ATXN7L1: variants seen among roughly 807,000 people sequenced by gnomAD.
ATXN7L1 encodes ataxin-7-like protein 1.
A neutral mutation model predicts 70.8 loss-of-function variants in ATXN7L1; 15 were observed. The observed-to-expected ratio is 0.21, with a 90% CI of 0.14 to 0.33. ATXN7L1 has a LOEUF of 0.33. Among genes scored for constraint, ATXN7L1 ranks in the 10% least tolerant of loss-of-function variants. The pLI is 1.00. For synonymous variants in ATXN7L1, 440 were observed against 445.1 expected, an observed-to-expected ratio of 0.99 and a Z score of 0.14; for missense variants, 975 against 1,097.1, an observed-to-expected ratio of 0.89 and a Z score of 1.57.
chr7:105,859,108 G>C (rs998180858), intron 2 of ATXN7L1, among the ~76,000 whole-genome samples: 2 of 152,136 alleles, frequency 1.3e-5, no homozygotes, highest in African/African-American at 2.4e-5. Context: ...TATGAGTATG[G>C]AATTACCATT....
At chr7:105,811,426 G>A (rs572377322) in intron 2 of ATXN7L1, among the ~76,000 whole-genome samples, 2 of 152,192 alleles carry the variant, frequency 1.3e-5, no homozygotes, top group African/African-American at 4.8e-5. Flanking sequence ...GAGAGAGAAT[G>A]AATTTCTGTT....
At chr7:105,679,512 T>C (rs1805249668) in intron 3 of ATXN7L1, among the ~76,000 whole-genome samples, 1 of 152,180 alleles carries the variant, frequency 6.6e-6, no homozygotes, top group African/African-American at 2.4e-5. Flanking sequence ...CCTAGCACTA[T>C]GCCTTAGAGA....
chr7:105,813,696 T>C (rs1057199558), intron 2 of ATXN7L1, among the ~76,000 whole-genome samples: 1 of 152,214 alleles, frequency 6.6e-6, no homozygotes, highest in Non-Finnish European at 1.5e-5. Flanking sequence ...AATTCTGAAA[T>C]TAAGTTTTTT....
In ATXN7L1 at chr7:105,869,941, C is replaced by CTAT. The variant is rs1167189957; in HGVS notation, c.250+5868_250+5870dup. Among the ~76,000 whole-genome samples the CTAT allele has an allele frequency of 5.9e-5, 9 of 152,282 alleles. No individual in the cohort carries two copies. The East Asian group carries it at 1.5e-3, about 26-fold the overall frequency. On this transcript the variant is annotated intron_variant, in intron 2 of 11. Transcript: ENST00000419735. ...ATACAGCCTAAGTATTATTCGACAG[C>CTAT]TATTGATAAAACTTATCAATGATCA...
intron 3 of ATXN7L1, among the ~76,000 whole-genome samples, chr7:105,727,290 C>A (rs911720967): frequency 6.6e-6 from 1 of 152,096 alleles, no homozygotes; most frequent in Admixed American, 6.5e-5. Flanking sequence ...CAGACAGTCA[C>A]GCACAGGCTT....
intron 2 of ATXN7L1, among the ~76,000 whole-genome samples, chr7:105,850,620 G>A (rs1425369840): frequency 6.6e-6 from 1 of 152,206 alleles, no homozygotes; most frequent in African/African-American, 2.4e-5. Flanking sequence ...ACTGATCCCT[G>A]TGCCTCCTGA....
At chr7:105,643,864 C>T (rs1798613944) in intron 4 of ATXN7L1, among the ~76,000 whole-genome samples, 1 of 152,244 alleles carries the variant, frequency 6.6e-6, no homozygotes, top group Non-Finnish European at 1.5e-5. Flanking sequence ...TAGCCCCCTT[C>T]CCTGCTATTT....
chr7:105,867,066 A>G (rs1038801028), intron 2 of ATXN7L1, among the ~76,000 whole-genome samples: 7 of 152,196 alleles, frequency 4.6e-5, no homozygotes, highest in South Asian at 2.1e-4. Context: ...TTCTAAATCA[A>G]TTCTGCAGCA....
chr7:105,641,149 G>A (rs1428062334), intron 5 of ATXN7L1, among the ~76,000 whole-genome samples: 2 of 146,992 alleles, frequency 1.4e-5, no homozygotes, highest in Non-Finnish European at 3.0e-5. Context: ...TTCCCTGGCT[G>A]GTTACCAAAA....
At chr7:105,861,204 G>A (rs901551831) in intron 2 of ATXN7L1, among the ~76,000 whole-genome samples, 49 of 152,264 alleles carry the variant, frequency 3.2e-4, no homozygotes, top group African/African-American at 1.1e-3. Context: ...CCACCTGTCC[G>A]GATAGGAAGG....
At chr7:105,628,480 C>A (rs572353843) in intron 7 of ATXN7L1, among the ~76,000 whole-genome samples, 1 of 152,110 alleles carries the variant, frequency 6.6e-6, no homozygotes, top group Non-Finnish European at 1.5e-5. Flanking sequence ...TAACATCTTA[C>A]ACTTATAATA....
intron 3 of ATXN7L1, among the ~76,000 whole-genome samples, chr7:105,698,009 C>T (rs1371852226): frequency 6.6e-6 from 1 of 152,078 alleles, no homozygotes; most frequent in Non-Finnish European, 1.5e-5. Flanking sequence ...GAAAGCTGGC[C>T]AAGAAGAGGA....
chr7:105,752,541 G>A (rs1799334958), intron 3 of ATXN7L1, among the ~76,000 whole-genome samples: 1 of 152,144 alleles, frequency 6.6e-6, no homozygotes, highest in Non-Finnish European at 1.5e-5. Flanking sequence ...CCCATGCTTG[G>A]CTACCACTGG....
rs148225770 is a variant in ATXN7L1 at position 105,630,359 on chromosome 7, G to A, written c.1203-6092C>T. Among the ~76,000 whole-genome samples, 54 of 152,304 alleles carry A rather than the reference G, an allele frequency of 3.5e-4. No homozygotes were observed. In the East Asian group the frequency reaches 9.1e-3, roughly 26 times the overall value. On this transcript the variant is annotated intron_variant, in intron 7 of 11. Transcript: ENST00000419735. ...TCAGCAGAAATGTGGTGATACTTAC[G>A]ACGATGACTTCCTAACATCCATTTA...
intron 2 of ATXN7L1, among the ~76,000 whole-genome samples, chr7:105,867,447 C>T (rs1817648998): frequency 6.6e-6 from 1 of 152,200 alleles, no homozygotes; most frequent in African/African-American, 2.4e-5. Flanking sequence ...TTTGGGTCTC[C>T]TCCACCCACA....
intron 4 of ATXN7L1, among the ~76,000 whole-genome samples, chr7:105,656,120 T>C (rs370320675): frequency 6.6e-6 from 1 of 152,180 alleles, no homozygotes; most frequent in East Asian, 1.9e-4. Flanking sequence ...TGGGTCTGAG[T>C]TCCCCATCAA....
chr7:105,777,834 C>A (rs1341839104), intron 3 of ATXN7L1, among the ~76,000 whole-genome samples: 2 of 152,198 alleles, frequency 1.3e-5, no homozygotes, highest in African/African-American at 2.4e-5. Context: ...AACCTTCAGA[C>A]TCTGTTCTAC....
At chr7:105,661,329 G>C (rs1801574720) in intron 4 of ATXN7L1, among the ~76,000 whole-genome samples, 4 of 152,156 alleles carry the variant, frequency 2.6e-5, no homozygotes, top group Admixed American at 2.6e-4. Context: ...GAGATGGGGG[G>C]AAATCTGGCC....
At chr7:105,772,679 G>A (rs1395508027) in intron 3 of ATXN7L1, among the ~76,000 whole-genome samples, 1 of 152,152 alleles carries the variant, frequency 6.6e-6, no homozygotes, top group Non-Finnish European at 1.5e-5. Context: ...GACACACTTA[G>A]AATTATCACA....
Sources: allele counts gnomAD v4.1 joint callset (sites outside exome capture counted in the v4.1 genomes callset), GRCh38; gene constraint gnomAD v4.1.1; transcripts MANE v1.5; gene names NCBI Gene and HGNC (gene_info 2026-07-23, HGNC 2026-07-21).